ACKR2: variants seen among roughly 807,000 people sequenced by gnomAD.
ACKR2 encodes the protein atypical chemokine receptor 2, also known as C-C chemokine receptor D6.
For missense variants in ACKR2, 457 were observed against 477.3 expected, an observed-to-expected ratio of 0.96 and a Z score of 0.40; for synonymous variants, 207 against 192.2, an observed-to-expected ratio of 1.08 and a Z score of -0.64.
intron 2 of ACKR2, among the ~76,000 whole-genome samples, chr3:42,825,476 A>G (rs923785525): frequency 4.6e-5 from 7 of 152,048 alleles, no homozygotes; most frequent in Admixed American, 2.6e-4. Flanking sequence ...TATCGTAGAT[A>G]TAATAGTTTT....
chr3:42,846,063 G>C (rs1434327098), intron 2 of ACKR2, among the ~76,000 whole-genome samples: 1 of 152,070 alleles, frequency 6.6e-6, no homozygotes, highest in Non-Finnish European at 1.5e-5. Context: ...CTAACTCTCT[G>C]TGCCTGATTT....
At chr3:42,834,545 TTTTTA>T (rs1156485525) in intron 2 of ACKR2, 1 of 151,998 alleles carries the variant, frequency 6.6e-6, no homozygotes, top group Admixed American at 6.6e-5. Flanking sequence ...TGGGTAATTT[TTTTTA>T]TTTTAATTTT....
chr3:42,815,180 G>A (rs1482549172), intron 1 of ACKR2, among the ~76,000 whole-genome samples: 1 of 152,182 alleles, frequency 6.6e-6, no homozygotes, highest in African/African-American at 2.4e-5. Flanking sequence ...TGAGGTTATT[G>A]GAAGTGAAAT....
chr3:42,821,976 G>A (rs1361225078), intron 2 of ACKR2, among the ~76,000 whole-genome samples: 4 of 152,066 alleles, frequency 2.6e-5, no homozygotes, highest in East Asian at 1.9e-4. Context: ...GATTACAGGC[G>A]TGAGCCACCA....
intron 2 of ACKR2, among the ~76,000 whole-genome samples, chr3:42,861,027 G>GGA (rs1169587519): frequency 2.0e-5 from 3 of 152,094 alleles, no homozygotes; most frequent in African/African-American, 4.8e-5. Context: ...CAGAACTGAA[G>GGA]GAGAGAGAGA....
In ACKR2 at chr3:42,845,935, G is replaced by A. The variant is rs116091530; in HGVS notation, c.-37-18531G>A. ...CATAAAACTACAAAATGTATCTGGGGAGAGGGGAAAATATCTGATTCAGAA... is the reference window on the plus strand; with the variant it reads ...CATAAAACTACAAAATGTATCTGGGAAGAGGGGAAAATATCTGATTCAGAA... On this transcript the variant is annotated intron_variant, in intron 2 of 2. Coordinates refer to ENST00000422265, the MANE Select transcript of ACKR2 (RefSeq NM_001296.5). Among the ~76,000 whole-genome samples the A allele has an allele frequency of 3.3e-5, 5 of 152,038 alleles. No individual in the cohort carries two copies. In the East Asian group the frequency reaches 9.6e-4, roughly 29 times the overall value.
Position 42,816,338 on chromosome 3 carries a change from C to T in ACKR2, c.-118-3293C>T, listed in dbSNP as rs1041657624. 2.0e-5 allele frequency among the ~76,000 whole-genome samples: 3 copies of T among 152,072 alleles called. No homozygotes were observed. In the South Asian group the frequency reaches 6.2e-4, roughly 32 times the overall value. The stretch of plus-strand genomic sequence containing the variant: ...AAAGAAGAAGCTAGGAGCTAGAAAC[C>T]ACCTTTGATCTCTTTAGTTTACATA... On this transcript the variant is annotated intron_variant, in intron 1 of 2. Transcript: ENST00000422265.
At chr3:42,840,134 C>A (rs1701021650) in intron 2 of ACKR2, among the ~76,000 whole-genome samples, 1 of 151,852 alleles carries the variant, frequency 6.6e-6, no homozygotes, top group Admixed American at 6.6e-5. Flanking sequence ...GTAGCTGGCG[C>A]CTGTAGTCCC....
chr3:42,824,243 A>T (rs142482832), intron 2 of ACKR2, among the ~76,000 whole-genome samples: 1 of 152,222 alleles, frequency 6.6e-6, no homozygotes, highest in Non-Finnish European at 1.5e-5. Context: ...AATAGTTGTT[A>T]TACTGTATTT....
chr3:42,856,584 A>T (rs767249491), intron 2 of ACKR2: 2 of 545,936 alleles, frequency 3.7e-6, no homozygotes, highest in Non-Finnish European at 6.5e-6. Context: ...TGAGCATCCC[A>T]CCCATTAAAA....
intron 2 of ACKR2, among the ~76,000 whole-genome samples, chr3:42,850,767 C>T (rs892291913): frequency 2.0e-5 from 3 of 152,120 alleles, no homozygotes; most frequent in Non-Finnish European, 4.4e-5. Context: ...CCTGAGAGCT[C>T]CTGACCCAGC....
Position 42,865,793 on chromosome 3 carries a change from G to A in ACKR2, c.*136G>A. ...AGTTCTCAGTTCTCAGCCATCAGCA[G>A]CATTTGCTCGCCCCGCCTTCTTCCT... is the stretch of plus-strand genomic sequence containing the variant. On this transcript the variant is annotated 3_prime_UTR_variant, in exon 3 of 3. Coordinates refer to ENST00000422265, the MANE Select transcript of ACKR2 (RefSeq NM_001296.5). 1 of 659,802 alleles carries A rather than the reference G, an allele frequency of 1.5e-6. No individual in the cohort carries two copies. The allele number at this position is 659,802 out of a possible 1,614,324, so 40.9% of individuals were successfully genotyped here.
intron 2 of ACKR2, among the ~76,000 whole-genome samples, chr3:42,848,207 A>G (rs1213685397): frequency 7.2e-6 from 1 of 139,228 alleles, no homozygotes; most frequent in Non-Finnish European, 1.6e-5. Context: ...CTTTTAAAAA[A>G]AAAAAATTTT....
chr3:42,832,164 T>C (rs942889984), intron 2 of ACKR2, among the ~76,000 whole-genome samples: 1 of 152,122 alleles, frequency 6.6e-6, no homozygotes, highest in Non-Finnish European at 1.5e-5. Context: ...CTCCATCTCT[T>C]AAGATGTCAT....
intron 1 of ACKR2, among the ~76,000 whole-genome samples, chr3:42,815,911 T>C (rs1424600904): frequency 6.6e-6 from 1 of 152,208 alleles, no homozygotes; most frequent in Non-Finnish European, 1.5e-5. Context: ...TAATTTGGTA[T>C]GAGTCAGGCT....
At chr3:42,816,692 G>A (rs1008436578) in intron 1 of ACKR2, among the ~76,000 whole-genome samples, 1 of 151,910 alleles carries the variant, frequency 6.6e-6, no homozygotes, top group Non-Finnish European at 1.5e-5. Context: ...GAGTAGCTGG[G>A]ATTACAGGTG....
At chr3:42,839,037 C>T (rs2125612555) in intron 2 of ACKR2, 1 of 152,300 alleles carries the variant, frequency 6.6e-6, no homozygotes, top group South Asian at 2.1e-4. Context: ...ACTATGACAG[C>T]TTTCAAGCCC....
At chr3:42,863,233 G>C (rs2088402041) in intron 2 of ACKR2, among the ~76,000 whole-genome samples, 1 of 152,100 alleles carries the variant, frequency 6.6e-6, no homozygotes, top group Non-Finnish European at 1.5e-5. Context: ...CATTTATGCA[G>C]TCAACAAACA....
At chr3:42,856,706 A>C (rs73829299) in intron 2 of ACKR2, among the ~76,000 whole-genome samples, 492 of 151,930 alleles carry the variant, frequency 3.2e-3, no homozygotes, top group African/African-American at 0.011. Context: ...GGTAGAGCTG[A>C]TTTGCATTTC....
Sources: allele counts gnomAD v4.1 joint callset (sites outside exome capture counted in the v4.1 genomes callset), GRCh38; gene constraint gnomAD v4.1.1; transcripts MANE v1.5; gene names NCBI Gene and HGNC (gene_info 2026-07-23, HGNC 2026-07-21).